WWOX: variants seen among roughly 807,000 people sequenced by gnomAD.
WWOX encodes WW domain-containing oxidoreductase.
WWOX carries 69 observed loss-of-function variants against 46.2 expected under a neutral mutation model. That is an observed-to-expected ratio of 1.49 (90% CI 1.23 to 1.82). The LOEUF is 1.82. Among genes scored for constraint, WWOX ranks in the 40% most tolerant of loss-of-function variants. The pLI is 0.00. For missense variants in WWOX, 919 were observed against 542.6 expected (o/e 1.69, Z -6.89); for synonymous variants, 359 against 202.6 (o/e 1.77, Z -6.56).
At chr16:78,868,459 G>A in intron 8 of WWOX, among the ~76,000 whole-genome samples, 1 of 132,464 alleles carries the variant, frequency 7.5e-6, no homozygotes, top group East Asian at 2.3e-4. Context: ...GGTGATGGCT[G>A]CACAACTGGA....
intron 8 of WWOX, among the ~76,000 whole-genome samples, chr16:78,864,245 A>C (rs1193388472): frequency 6.6e-6 from 1 of 151,858 alleles, no homozygotes; most frequent in Admixed American, 6.6e-5. Flanking sequence ...GATAATACAG[A>C]ATGGAGCCCT....
chr16:78,230,706 A>G (rs1232807494), intron 5 of WWOX, among the ~76,000 whole-genome samples: 1 of 152,328 alleles, frequency 6.6e-6, no homozygotes, highest in African/African-American at 2.4e-5. Context: ...TCCACTTCTA[A>G]GGTCAGTGTG....
At chr16:78,501,847 A>G (rs1567609391) in intron 8 of WWOX, among the ~76,000 whole-genome samples, 1 of 152,166 alleles carries the variant, frequency 6.6e-6, no homozygotes, top group African/African-American at 2.4e-5. Context: ...CCCTGGGCTA[A>G]TGAAATCAGG....
chr16:78,722,430 T>G (rs1365195258), intron 8 of WWOX, among the ~76,000 whole-genome samples: 1 of 152,162 alleles, frequency 6.6e-6, no homozygotes, highest in Non-Finnish European at 1.5e-5. Flanking sequence ...CCGTATGAAA[T>G]GAGCAGCAGT....
At chr16:78,780,992 GC>G (rs775209864) in intron 8 of WWOX, among the ~76,000 whole-genome samples, 9 of 152,212 alleles carry the variant, frequency 5.9e-5, no homozygotes, top group Non-Finnish European at 8.8e-5. Context: ...GACTGGTGTG[GC>G]CGAAGGAGTG....
intron 5 of WWOX, among the ~76,000 whole-genome samples, chr16:78,366,118 C>G (rs62035778): frequency 0.19 from 29,003 of 152,098 alleles, 3,550 homozygotes; most frequent in African/African-American, 0.35. Context: ...TGGGAAATGT[C>G]TAGAAACCCC....
chr16:78,369,304 A>G (rs80068501), intron 5 of WWOX, among the ~76,000 whole-genome samples: 3,574 of 152,246 alleles, frequency 0.023, 143 homozygotes, highest in African/African-American at 0.082. Context: ...CACATATTTC[A>G]TACTCAGGGG....
chr16:78,929,851 C>T (rs1026741102), intron 8 of WWOX, among the ~76,000 whole-genome samples: 6 of 152,154 alleles, frequency 3.9e-5, no homozygotes, highest in African/African-American at 4.8e-5. Context: ...CGATTGTGCA[C>T]GGACCCTTGC....
In WWOX at chr16:78,570,961, G is replaced by A. The variant is rs149618785; in HGVS notation, c.1056+138209G>A. 7.2e-4 allele frequency among the ~76,000 whole-genome samples: 109 copies of A among 152,182 alleles called. 2 individuals carry two copies. In the East Asian group the frequency reaches 0.015, roughly 21 times the overall value. On this transcript the variant is annotated intron_variant, in intron 8 of 8. Coordinates refer to ENST00000566780, the MANE Select transcript of WWOX (RefSeq NM_016373.4). ...GGGTAGAAGGAACAGAAAGTGAAACGGTGCCCTGGCAAGGCAAAGATTATT... is the reference window on the plus strand; with the variant it reads ...GGGTAGAAGGAACAGAAAGTGAAACAGTGCCCTGGCAAGGCAAAGATTATT...
At position 78,945,122 on chromosome 16, in the gene WWOX, G is replaced by A. The variant is rs1237005242; in HGVS notation, c.1057-266486G>A. Among the ~76,000 whole-genome samples the A allele has an allele frequency of 2.0e-5, 3 of 152,274 alleles. No homozygotes were observed. In the East Asian group the frequency reaches 5.8e-4, roughly 29 times the overall value. ...TGGAGCCTGGGATATCAAGGCTACA[G>A]TGAGCCGAGACCGCACCTCTGGAGT... On this transcript the variant is annotated intron_variant, in intron 8 of 8. Transcript: ENST00000566780.
intron 8 of WWOX, among the ~76,000 whole-genome samples, chr16:79,190,415 A>G (rs1029131223): frequency 2.0e-5 from 3 of 152,170 alleles, no homozygotes; most frequent in Non-Finnish European, 4.4e-5. Flanking sequence ...ATGAATTCCA[A>G]AGACCACTGG....
Position 78,968,330 on chromosome 16 carries a change from G to A in WWOX, c.1057-243278G>A, listed in dbSNP as rs146713414. 3.6e-3 allele frequency among the ~76,000 whole-genome samples: 549 copies of A among 152,302 alleles called. 1 individual carries two copies. The highest frequency in any genetic ancestry group is 0.012 in the African/African-American group (486 of 41,578). Reference sequence around the variant, plus strand: ...AACAGGGAACTGTCACCACCGACCCGAGGCAGGAACCATGTGCTCTGAGCC... The same window carrying A: ...AACAGGGAACTGTCACCACCGACCCAAGGCAGGAACCATGTGCTCTGAGCC... On this transcript the variant is annotated intron_variant, in intron 8 of 8. Coordinates refer to ENST00000566780, the MANE Select transcript of WWOX (RefSeq NM_016373.4).
chr16:78,414,749 A>C (rs1295569187), intron 6 of WWOX, among the ~76,000 whole-genome samples: 1 of 152,226 alleles, frequency 6.6e-6, no homozygotes, highest in Admixed American at 6.5e-5. Context: ...GTGGCCTTTC[A>C]TTCATTTTAC....
At chr16:79,208,396 G>A (rs558378396) in intron 8 of WWOX, among the ~76,000 whole-genome samples, 17 of 149,968 alleles carry the variant, frequency 1.1e-4, no homozygotes, top group African/African-American at 3.9e-4. Flanking sequence ...AAAAAAAATC[G>A]TTTAGGGGAA....
intron 8 of WWOX, among the ~76,000 whole-genome samples, chr16:79,200,313 A>G (rs1440055403): frequency 6.6e-6 from 1 of 152,180 alleles, no homozygotes; most frequent in African/African-American, 2.4e-5. Context: ...GGAAATAAGT[A>G]TCCCGCTCTC....
At chr16:78,533,044 C>G (rs1458926803) in intron 8 of WWOX, among the ~76,000 whole-genome samples, 1 of 152,122 alleles carries the variant, frequency 6.6e-6, no homozygotes, top group African/African-American at 2.4e-5. Context: ...GTCCTGATGA[C>G]CTGGGAGGGT....
At chr16:78,775,505 C>T (rs934330402) in intron 8 of WWOX, among the ~76,000 whole-genome samples, 1 of 152,074 alleles carries the variant, frequency 6.6e-6, no homozygotes, top group African/African-American at 2.4e-5. Context: ...CACTGTAGCG[C>T]CCTCCGGGGG....
chr16:78,434,003 A>G (rs1349734801), intron 8 of WWOX, among the ~76,000 whole-genome samples: 1 of 151,534 alleles, frequency 6.6e-6, no homozygotes, highest in East Asian at 1.9e-4. Context: ...TTTAGCCGGG[A>G]TGGTCTCAAT....
At chr16:78,247,836 A>G (rs140428601) in intron 5 of WWOX, among the ~76,000 whole-genome samples, 1 of 152,284 alleles carries the variant, frequency 6.6e-6, no homozygotes, top group Non-Finnish European at 1.5e-5. Context: ...CTCATACTTT[A>G]CTGAAGATGT....
Sources: gnomAD v4.1 joint callset for allele counts (sites outside exome capture counted in the v4.1 genomes callset) on GRCh38, gnomAD v4.1.1 for gene constraint, MANE v1.5 for transcripts, NCBI Gene and HGNC (gene_info 2026-07-23, HGNC 2026-07-21) for gene names.